The following COL25A1 variants were observed in gnomAD, a reference collection of about 807,000 sequenced individuals.
COL25A1 encodes the protein collagen type XXV alpha 1 chain, also known as collagen alpha-1(XXV) chain.
COL25A1 carries 103 observed loss-of-function variants against 128.4 expected under a neutral mutation model. That is an observed-to-expected ratio of 0.80 (90% CI 0.68 to 0.94). The LOEUF (loss-of-function observed/expected upper bound fraction) is 0.94. COL25A1 is among the 40% of genes least tolerant of loss of function. The pLI is 0.00. For synonymous variants in COL25A1, 279 were observed against 277.2 expected (o/e 1.01, Z -0.06); for missense variants, 745 against 840.0 (o/e 0.89, Z 1.40).
chr4:109,099,004 C>T (rs145962446), intron 3 of COL25A1, among the ~76,000 whole-genome samples: 14 of 152,308 alleles, frequency 9.2e-5, no homozygotes, highest in Admixed American at 5.2e-4. Flanking sequence ...ATAGCTACTT[C>T]ACAGGAGGTT....
At chr4:108,926,841 T>G (rs1043603058) in intron 11 of COL25A1, among the ~76,000 whole-genome samples, 1 of 151,940 alleles carries the variant, frequency 6.6e-6, no homozygotes, top group Non-Finnish European at 1.5e-5. Flanking sequence ...GTAATTCAAT[T>G]GATGTTTTAC....
chr4:109,211,401 T>C (rs964156586), intron 3 of COL25A1, among the ~76,000 whole-genome samples: 3 of 149,344 alleles, frequency 2.0e-5, no homozygotes, highest in Non-Finnish European at 3.0e-5. Flanking sequence ...ACACTTTTCC[T>C]TTCTGATCAT....
chr4:109,013,484 C>CTACACTGTGTAGGCTTTGTTCTT (rs1561025464), intron 5 of COL25A1, among the ~76,000 whole-genome samples: 1 of 151,080 alleles, frequency 6.6e-6, no homozygotes, highest in African/African-American at 2.4e-5. Context: ...GAGTCCCCTT[C>CTACACTGTGTAGGCTTTGTTCTT]CACACTGTGT....
At chr4:108,931,044 T>C (rs1019126271) in intron 11 of COL25A1, among the ~76,000 whole-genome samples, 1 of 152,196 alleles carries the variant, frequency 6.6e-6, no homozygotes, top group African/African-American at 2.4e-5. Flanking sequence ...TTTGCTTCAG[T>C]AGAGCTAGAA....
At chr4:109,132,616 A>G (rs1769330105) in intron 3 of COL25A1, among the ~76,000 whole-genome samples, 1 of 152,208 alleles carries the variant, frequency 6.6e-6, no homozygotes, top group African/African-American at 2.4e-5. Flanking sequence ...AATTTTGATT[A>G]GCTATTAAGA....
intron 3 of COL25A1, among the ~76,000 whole-genome samples, chr4:109,160,205 T>C (rs1772426879): frequency 6.6e-6 from 1 of 152,228 alleles, no homozygotes. Context: ...TAGAAATTTA[T>C]ATTGCTTTTC....
In COL25A1 at chr4:108,886,479, TG is replaced by T. The variant is rs745967488; in HGVS notation, c.976-2258del. Among the ~76,000 whole-genome samples the T allele has an allele frequency of 3.1e-3, 401 of 131,314 alleles. 8 individuals carry two copies. The highest frequency in any genetic ancestry group is 7.1e-3 in the African/African-American group (259 of 36,354). The allele number at this position is 131,314 out of a possible 152,430, so 86.1% of individuals were successfully genotyped here. On this transcript the variant is annotated intron_variant, in intron 18 of 37. Coordinates refer to ENST00000399132, the MANE Select transcript of COL25A1 (RefSeq NM_198721.4). ...GTGTGTGTGTGTGTGTGTGTGTGTG[TG>T]TGTGTGTGTGTGTTTAGCTCATCAG...
intron 3 of COL25A1, among the ~76,000 whole-genome samples, chr4:109,237,365 C>T (rs1779544149): frequency 6.6e-6 from 1 of 152,040 alleles, no homozygotes. Flanking sequence ...ACATCTCATA[C>T]ACGAGGTATT....
At chr4:108,895,675 A>G (rs191835315) in intron 16 of COL25A1, among the ~76,000 whole-genome samples, 18 of 152,310 alleles carry the variant, frequency 1.2e-4, no homozygotes, top group African/African-American at 2.9e-4. Context: ...AGACTGCATT[A>G]GAGTGTCTAA....
intron 14 of COL25A1, 84 bp from the exon 15 acceptor site, chr4:108,899,264 A>G: frequency 8.0e-7 from 1 of 1,244,312 alleles, no homozygotes. Flanking sequence ...CAGATATTGA[A>G]CTTACTAGGT....
At chr4:109,175,413 C>T (rs553825287) in intron 3 of COL25A1, among the ~76,000 whole-genome samples, 5 of 152,120 alleles carry the variant, frequency 3.3e-5, no homozygotes, top group Non-Finnish European at 7.4e-5. Context: ...AACTAGTGTA[C>T]ATTAGCATAG....
At chr4:109,150,920 T>C (rs1257929927) in intron 3 of COL25A1, among the ~76,000 whole-genome samples, 1 of 152,150 alleles carries the variant, frequency 6.6e-6, no homozygotes, top group Non-Finnish European at 1.5e-5. Context: ...CTAATTAAGC[T>C]CTGCAAATGC....
intron 3 of COL25A1, among the ~76,000 whole-genome samples, chr4:109,128,387 C>G (rs1394219896): frequency 6.6e-6 from 1 of 152,156 alleles, no homozygotes; most frequent in Non-Finnish European, 1.5e-5. Context: ...TTAGACAAAG[C>G]TTTGCTTCCC....
At chr4:108,946,250 T>C (rs1459409676) in intron 8 of COL25A1, among the ~76,000 whole-genome samples, 2 of 152,174 alleles carry the variant, frequency 1.3e-5, no homozygotes, top group Non-Finnish European at 2.9e-5. Flanking sequence ...AAATAAATAA[T>C]TCATAAGAAA....
At chr4:108,842,798 A>G (rs1207407554) in intron 30 of COL25A1, among the ~76,000 whole-genome samples, 2 of 152,126 alleles carry the variant, frequency 1.3e-5, no homozygotes, top group Admixed American at 6.6e-5. Context: ...GTATTTTTAA[A>G]AAGCCAAAAG....
chr4:109,053,633 A>G (rs1320511812), intron 3 of COL25A1, among the ~76,000 whole-genome samples: 1 of 151,956 alleles, frequency 6.6e-6, no homozygotes, highest in African/African-American at 2.4e-5. Context: ...ACTCTTCTCC[A>G]CTCCTAAGAG....
At chr4:108,884,602 C>T (rs1740559486) in intron 18 of COL25A1, among the ~76,000 whole-genome samples, 1 of 152,184 alleles carries the variant, frequency 6.6e-6, no homozygotes, top group Non-Finnish European at 1.5e-5. Context: ...ACAATGCATC[C>T]TATCCCAGTA....
At chr4:108,942,314 C>T in intron 8 of COL25A1, 3 of 1,516,562 alleles carry the variant, frequency 2.0e-6, no homozygotes, top group Non-Finnish European at 2.7e-6. Flanking sequence ...TAAAACGTCA[C>T]ACAGACATTT....
rs376149839 is a variant in COL25A1 at position 109,033,139 on chromosome 4, CA to C, written c.420+15028del. Among the ~76,000 whole-genome samples the C allele has an allele frequency of 4.7e-4, 72 of 152,332 alleles. No individual in the cohort carries two copies. In the East Asian group the frequency reaches 0.012, roughly 25 times the overall value. On this transcript the variant is annotated intron_variant, in intron 5 of 37. Transcript: ENST00000399132. ...CAAACCTCAGCCATTTGTTTTGTTTCATTGAAAGGAAAGTTCAGGGAAAAGT... is the reference window on the plus strand; with the variant it reads ...CAAACCTCAGCCATTTGTTTTGTTTCTTGAAAGGAAAGTTCAGGGAAAAGT...
Sources: gnomAD v4.1 joint callset for allele counts (sites outside exome capture counted in the v4.1 genomes callset) on GRCh38, gnomAD v4.1.1 for gene constraint, MANE v1.5 for transcripts, NCBI Gene and HGNC (gene_info 2026-07-23, HGNC 2026-07-21) for gene names.